Variants in HAL observed in about 807,000 individuals in gnomAD.
HAL encodes histidine ammonia-lyase.
Under a neutral mutation model 81.1 loss-of-function variants are expected in HAL, and 85 were observed. The ratio of observed to expected loss-of-function variants is 1.05; its 90% CI spans 0.88 to 1.25. The LOEUF (loss-of-function observed/expected upper bound fraction) is 1.25. HAL is among the 50% of genes most tolerant of loss of function. The pLI is 0.00. For synonymous variants in HAL, 301 were observed against 309.2 expected, an observed-to-expected ratio of 0.97 and a Z score of 0.28; for missense variants, 798 against 836.6, an observed-to-expected ratio of 0.95 and a Z score of 0.57.
chr12:95,990,601 G>C, intron 9 of HAL, 69 bp from the exon 10 acceptor site: 4 of 1,321,560 alleles, frequency 3.0e-6, no homozygotes, highest in Non-Finnish European at 4.4e-6. Context: ...TTGCCAGTGA[G>C]TGCCCCCACT....
chr12:95,996,192 C>T lies in HAL; in HGVS notation c.-196G>A. Reference sequence around the variant, plus strand: ...GCTGCCAGAAAGGCCTGGGGTCTCCCACCCTGGGAGGTGCTGTTCTTGTCC... The same window carrying T: ...GCTGCCAGAAAGGCCTGGGGTCTCCTACCCTGGGAGGTGCTGTTCTTGTCC... On this transcript the variant is annotated 5_prime_UTR_variant, in exon 1 of 21. Coordinates refer to ENST00000261208, the MANE Select transcript of HAL (RefSeq NM_002108.4). 1 of 456,562 alleles carries T rather than the reference C, an allele frequency of 2.2e-6. No homozygotes were observed. The highest frequency in any genetic ancestry group is 4.1e-6 in the Non-Finnish European group (1 of 244,834). 28.3% of individuals were successfully genotyped at this position (456,562 alleles called of 1,614,324 possible).
chr12:95,994,212 C>T, intron 4 of HAL, 48 bp from the exon 5 acceptor site: 1 of 1,312,320 alleles, frequency 7.6e-7, no homozygotes, highest in Non-Finnish European at 1.1e-6. Flanking sequence ...CTTGATTATT[C>T]TAACCAGAGT....
At chr12:95,986,028 G>A (rs3213737) in intron 13 of HAL, 37 bp downstream of exon 13, 861,092 of 1,559,256 alleles carry the variant, frequency 0.55, 243,438 homozygotes, top group South Asian at 0.66. Flanking sequence ...CACAAAACAC[G>A]TAACCAAATA....
intron 14 of HAL, 24 bp downstream of exon 14, chr12:95,985,883 AC>A (rs1369473787): frequency 5.4e-6 from 8 of 1,486,734 alleles, no homozygotes; most frequent in Middle Eastern, 3.5e-4. Context: ...TTTTTTATTG[AC>A]CTTTTTTTTT....
At position 95,995,982 on chromosome 12, in the gene HAL, G is replaced by A; in HGVS notation, c.-72C>T. ...GCTTTATGCAGGAGTGGCTACCGGG[G>A]TGTGGTCAGCTGGAAGGATGAGAAT... On this transcript the variant is annotated 5_prime_UTR_variant, in exon 2 of 21. Coordinates refer to ENST00000261208, the MANE Select transcript of HAL (RefSeq NM_002108.4). 6.6e-7 allele frequency: 1 copy of A among 1,512,468 alleles called. No individual in the cohort carries two copies. Among genetic ancestry groups the A allele is most frequent in the Non-Finnish European group, 9.0e-7 (1 of 1,105,986 alleles). 93.7% of individuals were successfully genotyped at this position (1,512,468 alleles called of 1,614,324 possible). A position where few individuals can be genotyped will look rare whatever the true frequency, so the allele number is the denominator to read the frequency against.
intron 18 of HAL, 73 bp from the exon 19 acceptor site, chr12:95,976,779 A>G: frequency 2.2e-6 from 2 of 922,034 alleles, no homozygotes; most frequent in South Asian, 2.7e-5. Context: ...GATTTCCCAA[A>G]GTTGACACCC....
intron 15 of HAL, among the ~76,000 whole-genome samples, chr12:95,981,834 T>C (rs1360772646): frequency 2.0e-5 from 3 of 152,246 alleles, no homozygotes; most frequent in Non-Finnish European, 4.4e-5. Flanking sequence ...CAGATCCTTC[T>C]TCCTGGTTCT....
Position 95,995,873 on chromosome 12 carries a change from A to C in HAL, c.38T>G (p.Leu13Arg), listed in dbSNP as rs1198382371. ...RYTVHVRGEW[L>R]AVPCQDAQLT... ...CTGCGCGTCCTGGCAGGGCACTGCCAGCCATTCCCCACGTACGTGCACCGT... is the reference window on the plus strand; with the variant it reads ...CTGCGCGTCCTGGCAGGGCACTGCCCGCCATTCCCCACGTACGTGCACCGT... The change falls in exon 2 of 21, where the codon CTG becomes CGG. Residue 13 changes from leucine to arginine, a missense_variant. Leu to Arg is a moderately radical substitution (Grantham distance 102). Coordinates refer to ENST00000261208, the MANE Select transcript of HAL (RefSeq NM_002108.4). The C allele has an allele frequency of 1.9e-6, 3 of 1,607,678 alleles. No individual in the cohort carries two copies. Among genetic ancestry groups the C allele is most frequent in the African/African-American group, 1.3e-5 (1 of 74,952 alleles).
In HAL at chr12:95,986,145, C is replaced by A; in HGVS notation, c.1067G>T (p.Arg356Leu). 6.3e-7 allele frequency: 1 copy of A among 1,598,724 alleles called. No individual in the cohort carries two copies. Among genetic ancestry groups the A allele is most frequent in the Non-Finnish European group, 8.6e-7 (1 of 1,166,030 alleles). Residue 356 changes from arginine (R) to leucine (L), a missense_variant, in exon 13 of 21, where the codon CGA (arginine) becomes CTA (leucine). Arg to Leu is a moderately radical substitution (Grantham distance 102). Coordinates refer to ENST00000261208, the MANE Select transcript of HAL (RefSeq NM_002108.4). Reference sequence around the variant, plus strand: ...AACTTCAATTTGCCCACGGTGAGGTCGAAGAGCATGAATGTCTAGAATTGA... The same window carrying A: ...AACTTCAATTTGCCCACGGTGAGGTAGAAGAGCATGAATGTCTAGAATTGA... ...KAFDTDIHALRPHRGQIEVAF... is the reference protein window; with the variant it reads ...KAFDTDIHALLPHRGQIEVAF...
intron 17 of HAL, among the ~76,000 whole-genome samples, chr12:95,978,930 G>A (rs2080758730): frequency 1.3e-5 from 2 of 152,250 alleles, no homozygotes; most frequent in South Asian, 4.1e-4. Context: ...TTAAACTAGG[G>A]TCATGCTACT....
intron 18 of HAL, 67 bp downstream of exon 18, chr12:95,977,877 C>A: frequency 6.4e-7 from 1 of 1,554,328 alleles, no homozygotes; most frequent in Non-Finnish European, 8.9e-7. Flanking sequence ...GTGGGAGATC[C>A]CACTTGAGAA....
At chr12:95,986,268 A>G (rs56396137) in intron 12 of HAL, 108 bp from the exon 13 acceptor site, 117,550 of 727,264 alleles carry the variant, frequency 0.16, 11,025 homozygotes, top group Non-Finnish European at 0.21. Flanking sequence ...CCTGGGCTCT[A>G]GCGATCCTCC....
At chr12:95,978,426 A>G (rs537098737) in intron 17 of HAL, among the ~76,000 whole-genome samples, 1 of 152,280 alleles carries the variant, frequency 6.6e-6, no homozygotes, top group African/African-American at 2.4e-5. Flanking sequence ...CTTGACGTCA[A>G]TTTGGTTGTG....
intron 8 of HAL, 63 bp from the exon 9 acceptor site, chr12:95,992,868 G>GCCGTCCCT: frequency 7.6e-7 from 1 of 1,320,362 alleles, no homozygotes; most frequent in Non-Finnish European, 1.1e-6. Context: ...CCTGACAATT[G>GCCGTCCCT]CCCTCCCTCC....
At chr12:95,987,044 C>G (rs1372301357) in intron 12 of HAL, 23 bp downstream of exon 12, 2 of 1,606,134 alleles carry the variant, frequency 1.2e-6, no homozygotes, top group African/African-American at 1.3e-5. Flanking sequence ...TGAATAACAA[C>G]CAAAAGGAAG....
intron 20 of HAL, chr12:95,975,961 C>T (rs981533073): frequency 7.8e-5 from 19 of 242,212 alleles, no homozygotes; most frequent in African/African-American, 9.0e-5. Flanking sequence ...GAAAGAAAAA[C>T]CCGCATCTCA....
At chr12:95,991,718 G>A (rs1273538382) in intron 9 of HAL, among the ~76,000 whole-genome samples, 1 of 152,212 alleles carries the variant, frequency 6.6e-6, no homozygotes, top group African/African-American at 2.4e-5. Flanking sequence ...TCTCAGAGGT[G>A]CCTTAGACTC....
At chr12:95,991,399 A>G (rs1168482957) in intron 9 of HAL, among the ~76,000 whole-genome samples, 2 of 152,206 alleles carry the variant, frequency 1.3e-5, no homozygotes, top group African/African-American at 4.8e-5. Context: ...TGGAAAAGTA[A>G]TATAAAATGT....
intron 10 of HAL, chr12:95,989,634 G>C (rs1949943970): frequency 6.5e-6 from 1 of 153,404 alleles, no homozygotes; most frequent in East Asian, 1.9e-4. Flanking sequence ...AGCATTACAA[G>C]TTTTCACCAG....
Sources: gnomAD v4.1 joint callset for allele counts (sites outside exome capture counted in the v4.1 genomes callset) on GRCh38, gnomAD v4.1.1 for gene constraint, MANE v1.5 for transcripts, NCBI Gene and HGNC (gene_info 2026-07-23, HGNC 2026-07-21) for gene names.